Variants in SYT10 observed in about 807,000 individuals in gnomAD.
SYT10 encodes the protein synaptotagmin 10.
Under a neutral mutation model 51.1 loss-of-function variants are expected in SYT10, and 31 were observed. The ratio of observed to expected loss-of-function variants is 0.61; its 90% CI spans 0.46 to 0.82. The LOEUF (loss-of-function observed/expected upper bound fraction) is 0.82. SYT10 is among the 40% of genes least tolerant of loss of function. The pLI is 0.00. For missense variants in SYT10, 603 were observed against 634.0 expected (o/e 0.95, Z 0.53); for synonymous variants, 233 against 225.9 (o/e 1.03, Z -0.28).
rs78089694 is a variant in SYT10 at position 33,382,313 on chromosome 12, A to G, written c.1370+36T>C. The G allele has an allele frequency of 4.8e-3, 7,192 of 1,494,560 alleles. 293 individuals carry two copies. In the African/African-American group the frequency reaches 0.085, roughly 18 times the overall value. 92.6% of individuals were successfully genotyped at this position (1,494,560 alleles called of 1,614,324 possible). On this transcript the variant is annotated intron_variant, in intron 5 of 6. Coordinates refer to ENST00000228567, the MANE Select transcript of SYT10 (RefSeq NM_198992.4). ...GAGTTTGGCCTGCGCATGACTAGAC[A>G]TGGCTGCTCTTCAGTGAGAAGAGAG...
intron 3 of SYT10, among the ~76,000 whole-genome samples, chr12:33,388,597 C>T (rs1242995370): frequency 1.3e-5 from 2 of 152,078 alleles, no homozygotes; most frequent in Admixed American, 6.6e-5. Context: ...TTATTCCATT[C>T]TCATACACAC....
Position 33,439,444 on chromosome 12 carries a change from C to A in SYT10, c.79G>T (p.Gly27Cys), listed in dbSNP as rs765104758. ...GAGCACTTCTCCCACTCCACCTGGC[C>A]GGCGAAGCACAGCTCGGTGACGATG... Reference protein sequence around the residue: ...LHIVTELCFAGQVEWEKCSGI... With the variant: ...LHIVTELCFACQVEWEKCSGI... The change falls in exon 1 of 7, where the codon GGC becomes TGC. Residue 27 changes from glycine to cysteine, a missense_variant. Gly to Cys is a radical substitution (Grantham distance 159). Coordinates refer to ENST00000228567, the MANE Select transcript of SYT10 (RefSeq NM_198992.4). The A allele has an allele frequency of 1.2e-6, 2 of 1,614,240 alleles. No homozygotes were observed. Among genetic ancestry groups the A allele is most frequent in the Non-Finnish European group, 1.7e-6 (2 of 1,180,036 alleles).
rs1198183763 is a variant in SYT10, at chr12:33,401,522, A to G, written c.1077+5267T>C. On this transcript the variant is annotated intron_variant, in intron 3 of 6. Coordinates refer to ENST00000228567, the MANE Select transcript of SYT10 (RefSeq NM_198992.4). ...ACTTCCTGAAAAATATTAATCCTTC[A>G]TATATAATTTATTATTAATGAAATC... Among the ~76,000 whole-genome samples the G allele has an allele frequency of 6.6e-5, 10 of 152,306 alleles. No individual in the cohort carries two copies. The East Asian group carries it at 1.5e-3, about 23-fold the overall frequency.
Position 33,382,461 on chromosome 12 carries a change from T to C in SYT10, c.1258A>G (p.Thr420Ala). ...EGRRLKKRKT[T>A]TKKNTLNPVY... Reference sequence around the variant, plus strand: ...GGGTTTAGAGTGTTTTTCTTTGTAGTTGTTTTCCTCTTTTTTAATCTTCGA... The same window carrying C: ...GGGTTTAGAGTGTTTTTCTTTGTAGCTGTTTTCCTCTTTTTTAATCTTCGA... Residue 420 changes from threonine to alanine, a missense_variant, in exon 5 of 7, where the codon ACT becomes GCT. Thr to Ala is a moderately conservative substitution (Grantham distance 58). Coordinates refer to ENST00000228567, the MANE Select transcript of SYT10 (RefSeq NM_198992.4). The C allele has an allele frequency of 6.2e-7, 1 of 1,613,232 alleles. No homozygotes were observed. The highest frequency in any genetic ancestry group is 8.5e-7 in the Non-Finnish European group (1 of 1,179,506).
At chr12:33,438,074 G>A (rs1397567228) in intron 1 of SYT10, among the ~76,000 whole-genome samples, 1 of 152,098 alleles carries the variant, frequency 6.6e-6, no homozygotes, top group African/African-American at 2.4e-5. Context: ...CCATGTGAAC[G>A]ATGGAATGTA....
intron 6 of SYT10, among the ~76,000 whole-genome samples, chr12:33,377,819 G>A (rs1223593226): frequency 6.6e-6 from 1 of 151,528 alleles, no homozygotes; most frequent in East Asian, 2.0e-4. Flanking sequence ...GTAGAGACGG[G>A]GTTTCACCAT....
chr12:33,376,726 G>A lies in SYT10; in HGVS notation c.*104C>T. 7.6e-7 allele frequency: 1 copy of A among 1,311,928 alleles called. No individual in the cohort carries two copies. Among genetic ancestry groups the A allele is most frequent in the Non-Finnish European group, 1.1e-6 (1 of 926,540 alleles). 81.3% of individuals were successfully genotyped at this position (1,311,928 alleles called of 1,614,324 possible). Reference sequence around the variant, plus strand: ...AAGTGCACATCAAGTTTGTTCATTAGTACGGATATATTTCAAATGAGGAAA... The same window carrying A: ...AAGTGCACATCAAGTTTGTTCATTAATACGGATATATTTCAAATGAGGAAA... On this transcript the variant is annotated 3_prime_UTR_variant, in exon 7 of 7. Transcript: ENST00000228567.
intron 3 of SYT10, chr12:33,404,840 T>TA (rs1377442093): frequency 1.3e-5 from 2 of 152,224 alleles, no homozygotes; most frequent in African/African-American, 4.8e-5. Flanking sequence ...TGGTAATTTT[T>TA]ATAGCAGAAA....
chr12:33,419,724 C>T (rs1463292649), intron 2 of SYT10, among the ~76,000 whole-genome samples: 3 of 152,034 alleles, frequency 2.0e-5, no homozygotes, highest in African/African-American at 7.3e-5. Flanking sequence ...TAAGCAATTG[C>T]TTTTGATCTA....
chr12:33,384,479 C>G (rs1255274917), intron 4 of SYT10, among the ~76,000 whole-genome samples: 1 of 152,138 alleles, frequency 6.6e-6, no homozygotes, highest in Non-Finnish European at 1.5e-5. Flanking sequence ...ACCAGTCTCC[C>G]TACTGTTCCC....
chr12:33,401,883 G>C (rs1383894349), intron 3 of SYT10, among the ~76,000 whole-genome samples: 1 of 152,106 alleles, frequency 6.6e-6, no homozygotes, highest in Non-Finnish European at 1.5e-5. Context: ...TACTATGTAA[G>C]GGATGCAAGA....
chr12:33,417,648 G>C (rs74453344), intron 2 of SYT10, among the ~76,000 whole-genome samples: 4,001 of 152,304 alleles, frequency 0.026, 179 homozygotes, highest in African/African-American at 0.09. Context: ...ATGTGGTCAT[G>C]AATTTCAAGT....
intron 2 of SYT10, 152 bp from the exon 3 acceptor site, chr12:33,407,508 C>T: frequency 1.1e-5 from 8 of 730,822 alleles, no homozygotes. Flanking sequence ...CAAAGAGGTA[C>T]TTTTGAAAAA....
intron 3 of SYT10, among the ~76,000 whole-genome samples, chr12:33,385,749 C>T (rs1866151884): frequency 6.6e-6 from 1 of 152,228 alleles, no homozygotes; most frequent in Non-Finnish European, 1.5e-5. Context: ...TTCAGCTCTA[C>T]TACTGCCATT....
intron 5 of SYT10, 65 bp from the exon 6 acceptor site, chr12:33,380,026 CGTA>C (rs1789577676): frequency 2.7e-6 from 4 of 1,501,420 alleles, no homozygotes; most frequent in Middle Eastern, 1.8e-4. Context: ...TTTCACAAAT[CGTA>C]GTAGAATTTT....
At chr12:33,435,559 TCTTTTATAGAC>T (rs1866631815) in intron 1 of SYT10, among the ~76,000 whole-genome samples, 1 of 152,244 alleles carries the variant, frequency 6.6e-6, no homozygotes, top group African/African-American at 2.4e-5. Flanking sequence ...GCTCCATTAT[TCTTTTATAGAC>T]CTACAAGTCT....
At chr12:33,398,431 T>A (rs925496173) in intron 3 of SYT10, among the ~76,000 whole-genome samples, 12 of 152,058 alleles carry the variant, frequency 7.9e-5, no homozygotes, top group African/African-American at 2.9e-4. Flanking sequence ...GAGAATGGCA[T>A]GAACCTGGGA....
chr12:33,409,380 C>T (rs1022774631), intron 2 of SYT10, among the ~76,000 whole-genome samples: 3 of 151,954 alleles, frequency 2.0e-5, no homozygotes, highest in African/African-American at 7.2e-5. Context: ...CCGCACCTGG[C>T]TAATTTTTGT....
intron 1 of SYT10, among the ~76,000 whole-genome samples, chr12:33,435,757 C>T (rs572359819): frequency 7.2e-5 from 11 of 152,238 alleles, no homozygotes; most frequent in Non-Finnish European, 1.3e-4. Flanking sequence ...TTATCATAGA[C>T]CCACTATGCC....
Sources: gnomAD v4.1 joint callset for allele counts (sites outside exome capture counted in the v4.1 genomes callset) on GRCh38, gnomAD v4.1.1 for gene constraint, MANE v1.5 for transcripts, NCBI Gene and HGNC (gene_info 2026-07-23, HGNC 2026-07-21) for gene names.